Variants in DNMT3A observed in about 807,000 individuals in gnomAD.
The protein encoded by DNMT3A is DNA methyltransferase 3 alpha.
In DNMT3A, 267 loss-of-function variants were observed where a neutral mutation model predicts 117.6. The observed-to-expected ratio is 2.27, with a 90% CI of 2.05 to 2.51. DNMT3A has a LOEUF of 2.51. Ranked by LOEUF, DNMT3A falls within the 30% of genes most tolerant of loss-of-function variation. The probability of loss-of-function intolerance (pLI) is 0.00; values close to 1 mark genes in which losing one functional copy is unlikely to be tolerated. For missense variants in DNMT3A, 1,029 were observed against 1,260.2 expected (o/e 0.82, Z 2.78); for synonymous variants, 432 against 474.8 (o/e 0.91, Z 1.17).
chr2:25,300,843 C>T (rs2033474016), intron 2 of DNMT3A, among the ~76,000 whole-genome samples: 1 of 138,600 alleles, frequency 7.2e-6, no homozygotes, highest in Non-Finnish European at 1.5e-5. Flanking sequence ...CTCTTTATGA[C>T]CACATTTTCC....
chr2:25,284,327 A>G (rs1040335744), intron 3 of DNMT3A, among the ~76,000 whole-genome samples: 26 of 152,204 alleles, frequency 1.7e-4, no homozygotes, highest in African/African-American at 6.3e-4. Context: ...TTCTACTTAT[A>G]AAAGTCAGTC....
intron 6 of DNMT3A, among the ~76,000 whole-genome samples, chr2:25,272,051 A>G (rs2149360500): frequency 6.6e-6 from 1 of 152,254 alleles, no homozygotes; most frequent in South Asian, 2.1e-4. Context: ...CAGTGGCACA[A>G]TCTCGGCTCA....
intron 1 of DNMT3A, among the ~76,000 whole-genome samples, chr2:25,340,816 T>C (rs1423266056): frequency 8.4e-6 from 1 of 119,276 alleles, no homozygotes. Context: ...CCGCTCCCGG[T>C]CCCGGCCCCG....
At position 25,246,312 on chromosome 2, in the gene DNMT3A, G is replaced by A. The variant is rs1674763288; in HGVS notation, c.1280-3C>T. 1 of 1,596,526 alleles carries A rather than the reference G, an allele frequency of 6.3e-7. No homozygotes were observed. The highest frequency in any genetic ancestry group is 8.5e-7 in the Non-Finnish European group (1 of 1,170,246). On this transcript the variant is annotated splice_polypyrimidine_tract_variant and splice_region_variant and intron_variant, in intron 10 of 22. Coordinates refer to ENST00000321117, the MANE Select transcript of DNMT3A (RefSeq NM_022552.5). ...TTCTTTGTAGGGATTCTTCTCTTCT[G>A]GAGGAGGAAAGCAGGTGCCAAGGTC... is the stretch of plus-strand genomic sequence containing the variant.
rs148525177 is a variant in DNMT3A, at chr2:25,293,782, C to T, written c.177+6357G>A. 3.7e-3 allele frequency among the ~76,000 whole-genome samples: 559 copies of T among 152,342 alleles called. No individual in the cohort carries two copies. The highest frequency in any genetic ancestry group is 5.0e-3 in the South Asian group (24 of 4,830). On this transcript the variant is annotated intron_variant, in intron 3 of 22. Coordinates refer to ENST00000321117, the MANE Select transcript of DNMT3A (RefSeq NM_022552.5). This position sits in a 1 kb window ranked among gnomAD's most constrained non-coding sequence, Gnocchi z 4.7. ...TGCCTGCCCAGGTTCAAGCGATTCT[C>T]GTGCCTCAGCCTCCTGGGCAGCTGG... is the stretch of plus-strand genomic sequence containing the variant.
At position 25,281,964 on chromosome 2, in the gene DNMT3A, G is replaced by A. The variant is rs2031910841; in HGVS notation, c.448+477C>T. On this transcript the variant is annotated intron_variant, in intron 4 of 22. Coordinates refer to ENST00000321117, the MANE Select transcript of DNMT3A (RefSeq NM_022552.5). This position sits in a 1 kb window ranked among gnomAD's most constrained non-coding sequence, Gnocchi z 4.8. ...GGCAAACAGGGTATCTGCTGCCCTT[G>A]AGTGCCCAGGCCAGGGGCTACAAAT... 2.8e-6 allele frequency: 3 copies of A among 1,088,070 alleles called. No individual in the cohort carries two copies. Among genetic ancestry groups the A allele is most frequent in the Admixed American group, 4.7e-5 (1 of 21,482 alleles). The allele number at this position is 1,088,070 out of a possible 1,614,324, so 67.4% of individuals were successfully genotyped here.
Position 25,241,590 on chromosome 2 carries a change from C to T in DNMT3A, c.2054G>A (p.Gly685Glu), listed in dbSNP as rs754037033. 1.2e-6 allele frequency: 2 copies of T among 1,613,022 alleles called. No homozygotes were observed. The highest frequency in any genetic ancestry group is 1.7e-6 in the Non-Finnish European group (2 of 1,179,566). The change falls in exon 17 of 23, where the codon GGG becomes GAG. Residue 685 changes from glycine (G) to glutamate (E), a missense_variant. Physicochemically the swap from Gly to Glu is moderately conservative, Grantham distance 98. Coordinates refer to ENST00000321117, the MANE Select transcript of DNMT3A (RefSeq NM_022552.5). ...VRHQGKIMYV[G>E]DVRSVTQKHI... ...CTTCTGTGTGACGCTGCGGACGTCC[C>T]CGACGTACATGATCTTCCCCTGGTG... is the stretch of plus-strand genomic sequence containing the variant.
At chr2:25,264,433 C>T (rs2030060013) in intron 6 of DNMT3A, among the ~76,000 whole-genome samples, 1 of 151,336 alleles carries the variant, frequency 6.6e-6, no homozygotes, top group South Asian at 2.1e-4. Flanking sequence ...AGCCACTGTG[C>T]TGGGCCAAAG....
chr2:25,282,581 T>A lies in DNMT3A; in HGVS notation c.308A>T (p.Glu103Val). Residue 103 changes from glutamate (E) to valine (V), a missense_variant, in exon 4 of 23, where the codon GAG becomes GTG. Coordinates refer to ENST00000321117, the MANE Select transcript of DNMT3A (RefSeq NM_022552.5). The surrounding 1 kb of genome is among the most constrained non-coding windows in gnomAD (Gnocchi z 5.2). The stretch of plus-strand genomic sequence containing the variant: ...CTTCTGCCCCCCAGCAGGGCTCCCC[T>A]CCTCTGGCTGGGGCTCACTCCGCTT... Reference protein sequence around the residue: ...LEKRSEPQPEEGSPAGGQKGG... With the variant: ...LEKRSEPQPEVGSPAGGQKGG... 6.2e-7 allele frequency: 1 copy of A among 1,613,570 alleles called. No individual in the cohort carries two copies. Among genetic ancestry groups the A allele is most frequent in the Non-Finnish European group, 8.5e-7 (1 of 1,179,980 alleles).
chr2:25,303,717 ATG>A (rs2033640163), intron 2 of DNMT3A, among the ~76,000 whole-genome samples: 1 of 152,236 alleles, frequency 6.6e-6, no homozygotes, highest in Non-Finnish European at 1.5e-5. Flanking sequence ...TGTGAAAAGC[ATG>A]TTCTCTTCTG....
In DNMT3A at chr2:25,300,196, C is replaced by T. The variant is rs202118149; in HGVS notation, c.120G>A (p.Glu40=). The change falls in exon 3 of 23, where the codon GAG becomes GAA. Residue 40 remains glutamate (E), a synonymous_variant. Coordinates refer to ENST00000321117, the MANE Select transcript of DNMT3A (RefSeq NM_022552.5). ...CCACCTTCCGTGCCGTGGTGCTGGGCTCTTGGCGCTCCTCCTTGCCACGCG... is the reference window on the plus strand; with the variant it reads ...CCACCTTCCGTGCCGTGGTGCTGGGTTCTTGGCGCTCCTCCTTGCCACGCG... ...EEPRGKEERQ[E]PSTTARKVGR... 1,818 of 1,612,232 alleles carry T rather than the reference C, an allele frequency of 1.1e-3. 41 individuals carry two copies. The South Asian group carries it at 0.019, about 17-fold the overall frequency.
chr2:25,312,737 C>A (rs539534191), intron 2 of DNMT3A, among the ~76,000 whole-genome samples: 1 of 152,340 alleles, frequency 6.6e-6, no homozygotes, highest in African/African-American at 2.4e-5. Context: ...CAGAAACACA[C>A]TCTGAAGAAT....
At chr2:25,335,099 T>C (rs1281413540) in intron 1 of DNMT3A, among the ~76,000 whole-genome samples, 1 of 152,246 alleles carries the variant, frequency 6.6e-6, no homozygotes, top group Non-Finnish European at 1.5e-5. Context: ...TTTGTATCGA[T>C]TTTAAAGAAT....
intron 2 of DNMT3A, among the ~76,000 whole-genome samples, 196 bp from the exon 3 acceptor site, chr2:25,300,439 C>T (rs1158326238): frequency 6.6e-6 from 1 of 150,502 alleles, no homozygotes; most frequent in African/African-American, 2.4e-5. Flanking sequence ...CCCCTCAGAG[C>T]CCCACTTAAA....
intron 1 of DNMT3A, among the ~76,000 whole-genome samples, chr2:25,335,923 T>G (rs1207252903): frequency 6.6e-6 from 1 of 150,960 alleles, no homozygotes. Flanking sequence ...AGGACCACAG[T>G]AGGACAGGAG....
chr2:25,239,267 C>T (rs771615148), intron 19 of DNMT3A, 52 bp from the exon 20 acceptor site: 22 of 1,529,238 alleles, frequency 1.4e-5, no homozygotes, highest in South Asian at 5.7e-5. Flanking sequence ...CATGAAACAG[C>T]GCCGGCATGC....
In DNMT3A at chr2:25,237,748, G is replaced by A. The variant is rs901728474; in HGVS notation, c.2409-743C>T. Among the ~76,000 whole-genome samples, 1 of 150,996 alleles carries A rather than the reference G, an allele frequency of 6.6e-6. No homozygotes were observed. Among genetic ancestry groups the A allele is most frequent in the South Asian group, 2.1e-4 (1 of 4,782 alleles). On this transcript the variant is annotated intron_variant, in intron 20 of 22. Coordinates refer to ENST00000321117, the MANE Select transcript of DNMT3A (RefSeq NM_022552.5). This position sits in a 1 kb window ranked among gnomAD's most constrained non-coding sequence, Gnocchi z 5.4. Reference sequence around the variant, plus strand: ...CCACTGCACTCCAGCCTGGGCGACAGAGCAAGACTCTGTCTCCAAAAAAAA... The same window carrying A: ...CCACTGCACTCCAGCCTGGGCGACAAAGCAAGACTCTGTCTCCAAAAAAAA...
chr2:25,326,066 G>T (rs1445653225), intron 1 of DNMT3A, among the ~76,000 whole-genome samples: 1 of 151,046 alleles, frequency 6.6e-6, no homozygotes, highest in East Asian at 1.9e-4. Context: ...GCAGAAACCA[G>T]GCCTCTAGTG....
At chr2:25,275,262 G>T (rs995815657) in intron 5 of DNMT3A, among the ~76,000 whole-genome samples, 175 bp from the exon 6 acceptor site, 1 of 151,480 alleles carries the variant, frequency 6.6e-6, no homozygotes, top group Non-Finnish European at 1.5e-5. Context: ...TGGCGGGGGT[G>T]GGGGGGCACA....
Sources: allele counts gnomAD v4.1 joint callset (sites outside exome capture counted in the v4.1 genomes callset), GRCh38; gene constraint gnomAD v4.1.1; non-coding constraint Gnocchi (gnomAD v3.1); transcripts MANE v1.5; gene names NCBI Gene and HGNC (gene_info 2026-07-23, HGNC 2026-07-21).